The following C10orf120 variants were observed in gnomAD, a reference collection of about 807,000 sequenced individuals.
C10orf120 encodes chromosome 10 open reading frame 120.
In C10orf120, 15 loss-of-function variants were observed where a neutral mutation model predicts 10.8. That is an observed-to-expected ratio of 1.39 (90% CI 0.93 to 2.14). The LOEUF (loss-of-function observed/expected upper bound fraction) is 2.14. Ranked by LOEUF, C10orf120 falls within the 30% of genes most tolerant of loss-of-function variation. C10orf120 has a pLI of 0.00. For synonymous variants in C10orf120, 141 were observed against 138.9 expected, an observed-to-expected ratio of 1.02 and a Z score of -0.11; for missense variants, 447 against 411.3, an observed-to-expected ratio of 1.09 and a Z score of -0.75.
Position 122,699,694 on chromosome 10 carries a change from T to G in C10orf120, c.97A>C (p.Ile33Leu). 1 of 1,614,098 alleles carries G rather than the reference T, an allele frequency of 6.2e-7. No homozygotes were observed. Among genetic ancestry groups the G allele is most frequent in the Non-Finnish European group, 8.5e-7 (1 of 1,179,932 alleles). Residue 33 changes from isoleucine to leucine, a missense_variant, in exon 1 of 3, where the codon ATA becomes CTA. By Grantham distance (5) the Ile-to-Leu change is conservative. Transcript: ENST00000329446. ...TGAAAGGAAGAGTTGGTATTAAATA[T>G]TCTAACTGGCTTTTCATTCTTCCTT... ...QERKNEKPVR[I>L]FNTNSSFQDQ... is the part of the protein sequence containing the mutation.
intron 2 of C10orf120, 59 bp from the exon 3 acceptor site, chr10:122,698,547 A>G (rs1566144776): frequency 1.3e-6 from 2 of 1,536,426 alleles, no homozygotes; most frequent in South Asian, 2.3e-5. Context: ...CGGCACCCAC[A>G]GAAACTTGCT....
Position 122,698,401 on chromosome 10 carries a change from A to C in C10orf120, c.340T>G (p.Leu114Val), listed in dbSNP as rs1446117095. The C allele has an allele frequency of 3.1e-6, 5 of 1,614,050 alleles. No individual in the cohort carries two copies. The African/African-American group carries it at 6.7e-5, about 22-fold the overall frequency. Residue 114 changes from leucine to valine, a missense_variant, in exon 3 of 3, where the codon TTG becomes GTG. By Grantham distance (32) the Leu-to-Val change is conservative. Coordinates refer to ENST00000329446, the MANE Select transcript of C10orf120 (RefSeq NM_001010912.4). ...GCTTGTTTGTAGTCCGGAGACAGCA[A>C]CTGTAGTTCCTTGAGCATTCTGCAT... The part of the protein sequence containing the change: ...EECRMLKELQ[L>V]LSPDYKQAME...
rs1489672420 is a variant in C10orf120, at chr10:122,697,742, A to G, written c.999T>C (p.Tyr333=). The change falls in exon 3 of 3, where the codon TAT becomes TAC. Residue 333 remains tyrosine (Y), a synonymous_variant. Coordinates refer to ENST00000329446, the MANE Select transcript of C10orf120 (RefSeq NM_001010912.4). ...WKERMRKATP[Y]HY is the part of the protein sequence containing the mutation. Reference sequence around the variant, plus strand: ...GGCAACAAATAAAACTTTAATAATGATAAGGAGTTGCTTTACGCATGCGCT... The same window carrying G: ...GGCAACAAATAAAACTTTAATAATGGTAAGGAGTTGCTTTACGCATGCGCT... 4 of 1,613,858 alleles carry G rather than the reference A, an allele frequency of 2.5e-6. No individual in the cohort carries two copies. In the African/African-American group the frequency reaches 4.0e-5, roughly 16 times the overall value.
intron 2 of C10orf120, 24 bp from the exon 3 acceptor site, chr10:122,698,512 A>T (rs759654353): frequency 1.2e-6 from 2 of 1,612,312 alleles, no homozygotes; most frequent in Admixed American, 3.3e-5. Context: ...AAGGACTATT[A>T]AAATCTCAAG....
Position 122,698,157 on chromosome 10 carries a change from A to G in C10orf120, c.584T>C (p.Leu195Pro), listed in dbSNP as rs1473631057. 1 of 1,613,156 alleles carries G rather than the reference A, an allele frequency of 6.2e-7. No homozygotes were observed. The highest frequency in any genetic ancestry group is 1.1e-5 in the South Asian group (1 of 90,696). ...YIERFTRSSFLSGVGLGPMAK... is the reference protein window; with the variant it reads ...YIERFTRSSFPSGVGLGPMAK... ...CATTGGACCCAGGCCCACCCCAGAC[A>G]GAAATGAGGAGCGTGTAAACCTTTC... is the stretch of plus-strand genomic sequence containing the variant. Residue 195 changes from leucine to proline, a missense_variant, in exon 3 of 3, where the codon CTG becomes CCG. By Grantham distance (98) the Leu-to-Pro change is moderately conservative. Coordinates refer to ENST00000329446, the MANE Select transcript of C10orf120 (RefSeq NM_001010912.4).
intron 1 of C10orf120, 28 bp from the exon 2 acceptor site, chr10:122,699,440 A>C: frequency 6.3e-7 from 1 of 1,582,116 alleles, no homozygotes; most frequent in Non-Finnish European, 8.7e-7. Flanking sequence ...GGAATATCAG[A>C]ATTCTGGAAA....
At chr10:122,699,495 G>C (rs1032698439) in intron 1 of C10orf120, 83 bp from the exon 2 acceptor site, 1 of 1,461,362 alleles carries the variant, frequency 6.8e-7, no homozygotes, top group Non-Finnish European at 9.5e-7. Context: ...GCTCATAAAG[G>C]GTTATTCTAC....
chr10:122,699,140 CA>C (rs67633673), intron 2 of C10orf120, among the ~76,000 whole-genome samples, 196 bp downstream of exon 2: 1,560 of 21,614 alleles, frequency 0.072, 1 homozygote, highest in African/African-American at 0.18. Flanking sequence ...GACTCCGTCT[CA>C]AAAAAAAAAA....
At position 122,698,187 on chromosome 10, in the gene C10orf120, T is replaced by C. The variant is rs147336593; in HGVS notation, c.554A>G (p.Tyr185Cys). ...TGAGGAGCGTGTAAACCTTTCAATG[T>C]AGGGTAAAGGCTGATGATTTCCCAG... The part of the protein sequence containing the change: ...RALGNHQPLP[Y>C]IERFTRSSFL... The change falls in exon 3 of 3, where the codon TAC becomes TGC. Residue 185 changes from tyrosine (Y) to cysteine (C), a missense_variant. Physicochemically the swap from Tyr to Cys is radical, Grantham distance 194. Transcript: ENST00000329446. 1.3e-4 allele frequency: 210 copies of C among 1,613,126 alleles called. No individual in the cohort carries two copies. Among genetic ancestry groups the C allele is most frequent in the Admixed American group, 4.5e-4 (27 of 59,816 alleles).
At position 122,697,752 on chromosome 10, in the gene C10orf120, G is replaced by GC; in HGVS notation, c.988dup (p.Ala330GlyfsTer?). 6.2e-7 allele frequency: 1 copy of GC among 1,614,026 alleles called. No homozygotes were observed. ...AAAACTTTAATAATGATAAGGAGTT[G>GC]CTTTACGCATGCGCTCTTTCCAGAT... On this transcript the variant is annotated frameshift_variant, in exon 3 of 3. Transcript: ENST00000329446. LOFTEE classifies it low-confidence loss of function (END_TRUNC).
In C10orf120 at chr10:122,698,123, A is replaced by C. The variant is rs763294385; in HGVS notation, c.618T>G (p.Asn206Lys). The change falls in exon 3 of 3, where the codon AAT (asparagine) becomes AAG (lysine). Residue 206 changes from asparagine to lysine, a missense_variant. Physicochemically the swap from Asn to Lys is moderately conservative, Grantham distance 94. Transcript: ENST00000329446. ...SGVGLGPMAK[N>K]KARRKEDNYD... ...AGTTGTCTTCCTTTCGTCTGGCCTTATTTTTTGCCATTGGACCCAGGCCCA... is the reference window on the plus strand; with the variant it reads ...AGTTGTCTTCCTTTCGTCTGGCCTTCTTTTTTGCCATTGGACCCAGGCCCA... The C allele has an allele frequency of 6.2e-7, 1 of 1,613,412 alleles. No homozygotes were observed. Among genetic ancestry groups the C allele is most frequent in the Admixed American group, 1.7e-5 (1 of 59,934 alleles).
In C10orf120 at chr10:122,697,863, T is replaced by A; in HGVS notation, c.878A>T (p.Asp293Val). 7 of 1,614,220 alleles carry A rather than the reference T, an allele frequency of 4.3e-6. No homozygotes were observed. Among genetic ancestry groups the A allele is most frequent in the Non-Finnish European group, 5.1e-6 (6 of 1,180,026 alleles). Reference sequence around the variant, plus strand: ...AAAATCCTGATTCATTAGCATTAAGTCACCAGGGAATTCTGATATGCAGAA... The same window carrying A: ...AAAATCCTGATTCATTAGCATTAAGACACCAGGGAATTCTGATATGCAGAA... ...NLFCISEFPG[D>V]LMLMNQDFIS... is the part of the protein sequence containing the mutation. Residue 293 changes from aspartate (D) to valine (V), a missense_variant, in exon 3 of 3, where the codon GAC becomes GTC. Coordinates refer to ENST00000329446, the MANE Select transcript of C10orf120 (RefSeq NM_001010912.4).
At position 122,697,836 on chromosome 10, in the gene C10orf120, A is replaced by C. The variant is rs775344507; in HGVS notation, c.905T>G (p.Ile302Arg). The C allele has an allele frequency of 1.3e-5, 21 of 1,614,016 alleles. No individual in the cohort carries two copies. In the African/African-American group the frequency reaches 2.5e-4, roughly 19 times the overall value. The change falls in exon 3 of 3, where the codon ATA becomes AGA. Residue 302 changes from isoleucine to arginine, a missense_variant. By Grantham distance (97) the Ile-to-Arg change is moderately conservative. Coordinates refer to ENST00000329446, the MANE Select transcript of C10orf120 (RefSeq NM_001010912.4). ...GDLMLMNQDF[I>R]SRRDHFSDLV... ...ATCACTGAAGTGGTCTCTCCGTGAT[A>C]TAAAATCCTGATTCATTAGCATTAA...
chr10:122,698,594 A>G, intron 2 of C10orf120, 106 bp from the exon 3 acceptor site: 1 of 1,064,590 alleles, frequency 9.4e-7, no homozygotes, highest in Non-Finnish European at 1.4e-6. Flanking sequence ...AAAGTGTTTG[A>G]GCCTCTCTGT....
chr10:122,698,539 G>A (rs1440284632), intron 2 of C10orf120, 51 bp from the exon 3 acceptor site: 2 of 1,575,366 alleles, frequency 1.3e-6, no homozygotes, highest in Middle Eastern at 1.9e-4. Context: ...GGGGCAGGCG[G>A]CACCCACAGA....
chr10:122,698,747 G>C (rs1317881314), intron 2 of C10orf120, among the ~76,000 whole-genome samples: 1 of 152,170 alleles, frequency 6.6e-6, no homozygotes, highest in East Asian at 1.9e-4. Flanking sequence ...ATACGAAAGT[G>C]ACCAGTGCAA....
rs368445185 is a variant in C10orf120, at chr10:122,698,495, A to G, written c.253-7T>C. On this transcript the variant is annotated splice_region_variant and splice_polypyrimidine_tract_variant and intron_variant, in intron 2 of 2. Coordinates refer to ENST00000329446, the MANE Select transcript of C10orf120 (RefSeq NM_001010912.4). ...TGTGAATGCCACCTAGACGCTGACA[A>G]TGGAGAAAGGACTATTAAAATCTCA... The G allele has an allele frequency of 8.7e-6, 14 of 1,613,646 alleles. No homozygotes were observed. Among genetic ancestry groups the G allele is most frequent in the African/African-American group, 4.0e-5 (3 of 74,886 alleles).
At chr10:122,698,514 A>T (rs774327056) in intron 2 of C10orf120, 26 bp from the exon 3 acceptor site, 1 of 1,611,788 alleles carries the variant, frequency 6.2e-7, no homozygotes, top group East Asian at 2.2e-5. Flanking sequence ...GGACTATTAA[A>T]ATCTCAAGAG....
chr10:122,699,468 C>T (rs1845831200), intron 1 of C10orf120, 56 bp from the exon 2 acceptor site: 2 of 1,518,692 alleles, frequency 1.3e-6, no homozygotes, highest in Admixed American at 1.7e-5. Context: ...CCTACTTTTC[C>T]CTCCTGGAGT....
Sources: allele counts gnomAD v4.1 joint callset (sites outside exome capture counted in the v4.1 genomes callset), GRCh38; gene constraint gnomAD v4.1.1; transcripts MANE v1.5; gene names NCBI Gene and HGNC (gene_info 2026-07-23, HGNC 2026-07-21).